The following RIMBP2 variants were observed in gnomAD, a reference collection of about 807,000 sequenced individuals.
The protein encoded by RIMBP2 is RIMS-binding protein 2.
RIMBP2 carries 48 observed loss-of-function variants against 118.6 expected under a neutral mutation model. The observed-to-expected ratio is 0.40, with a 90% CI of 0.32 to 0.51. The LOEUF (loss-of-function observed/expected upper bound fraction) is 0.51. Ranked by LOEUF, RIMBP2 falls within the 20% of genes least tolerant of loss-of-function variation. The probability of loss-of-function intolerance (pLI) is 0.41; values close to 1 mark genes in which losing one functional copy is unlikely to be tolerated. For missense variants in RIMBP2, 1,551 were observed against 1,768.3 expected, an observed-to-expected ratio of 0.88 and a Z score of 2.20; for synonymous variants, 762 against 742.9, an observed-to-expected ratio of 1.03 and a Z score of -0.42.
At chr12:130,637,646 C>T (rs1174998358) in intron 1 of RIMBP2, among the ~76,000 whole-genome samples, 1 of 152,208 alleles carries the variant, frequency 6.6e-6, no homozygotes, top group African/African-American at 2.4e-5. Context: ...CTGCCGGGAG[C>T]AAAGGGATTT....
chr12:130,441,034 G>A (rs1490699988), intron 11 of RIMBP2, among the ~76,000 whole-genome samples: 21 of 152,126 alleles, frequency 1.4e-4, no homozygotes, highest in Non-Finnish European at 2.6e-4. Flanking sequence ...CTGTTTGAGC[G>A]GAGATAGCAG....
At chr12:130,480,366 C>A (rs188928595) in intron 4 of RIMBP2, among the ~76,000 whole-genome samples, 1,921 of 152,206 alleles carry the variant, frequency 0.013, 49 homozygotes, top group African/African-American at 0.043. Context: ...GGGAGCTGCC[C>A]CTTCCGATGG....
Position 130,595,285 on chromosome 12 carries a change from G to A in RIMBP2, c.-217+33037C>T, listed in dbSNP as rs142355890. Among the ~76,000 whole-genome samples the A allele has an allele frequency of 9.1e-3, 1,383 of 152,244 alleles. 10 individuals are homozygous for A. The highest frequency in any genetic ancestry group is 0.01 in the Non-Finnish European group (702 of 68,026). On this transcript the variant is annotated intron_variant, in intron 2 of 22. Coordinates refer to ENST00000690449, the MANE Select transcript of RIMBP2 (RefSeq NM_001393629.1). ...TATTAAAACTTCATCTTGGCCGGGC[G>A]CGGTGGCTCACGCCTGTAATCCCAG...
intron 2 of RIMBP2, among the ~76,000 whole-genome samples, chr12:130,624,140 A>T (rs1328507123): frequency 6.6e-6 from 1 of 152,228 alleles, no homozygotes; most frequent in African/African-American, 2.4e-5. Flanking sequence ...CAATGTACTC[A>T]TAGGAAATAA....
chr12:130,401,391 C>T (rs2074551176), intron 21 of RIMBP2, among the ~76,000 whole-genome samples: 1 of 152,140 alleles, frequency 6.6e-6, no homozygotes, highest in Admixed American at 6.5e-5. Flanking sequence ...GCTGGGATTA[C>T]AGGCTGAGGC....
chr12:130,569,370 CCTT>C (rs1390110505), intron 2 of RIMBP2, among the ~76,000 whole-genome samples: 4 of 152,218 alleles, frequency 2.6e-5, no homozygotes, highest in African/African-American at 7.2e-5. Context: ...ATCCCAGGCT[CCTT>C]CTTCTCACGC....
rs1454831607 is a variant in RIMBP2 at position 130,436,860 on chromosome 12, C to T, written c.2088G>A (p.Arg696=). ...AKAMAREAAQ[R]VAESSRLEKR... The stretch of plus-strand genomic sequence containing the variant: ...GCCTTACCCTGCTGCTCTCGGCCAC[C>T]CTCTGCGCGGCCTCCCGGGCCATGG... The change falls in exon 13 of 23, where the codon AGG becomes AGA. Residue 696 remains arginine, a synonymous_variant. Transcript: ENST00000690449. 9 of 1,502,622 alleles carry T rather than the reference C, an allele frequency of 6.0e-6. No homozygotes were observed. Among genetic ancestry groups the T allele is most frequent in the Non-Finnish European group, 8.0e-6 (9 of 1,127,558 alleles). The allele number at this position is 1,502,622 out of a possible 1,614,324, so 93.1% of individuals were successfully genotyped here.
intron 1 of RIMBP2, among the ~76,000 whole-genome samples, chr12:130,664,403 G>GCACGCACACA (rs1566438875): frequency 1.6e-5 from 1 of 61,694 alleles, no homozygotes; most frequent in Non-Finnish European, 4.4e-5. Flanking sequence ...ACACACGCAC[G>GCACGCACACA]CACGCACGCA....
rs1044335865 is a variant in RIMBP2, at chr12:130,520,731, C to A, written c.-216-2814G>T. 2.0e-5 allele frequency among the ~76,000 whole-genome samples: 3 copies of A among 151,530 alleles called. No individual in the cohort carries two copies. The East Asian group carries it at 5.8e-4, about 29-fold the overall frequency. ...GGAGATCTACTTGAAACTAACGACC[C>A]CCTACCTCACACTTCAAGAATCACA... On this transcript the variant is annotated intron_variant, in intron 2 of 22. Transcript: ENST00000690449.
At chr12:130,503,321 G>A (rs751527434) in intron 4 of RIMBP2, among the ~76,000 whole-genome samples, 1 of 151,660 alleles carries the variant, frequency 6.6e-6, no homozygotes, top group Non-Finnish European at 1.5e-5. Flanking sequence ...TCTTGAACCC[G>A]GGAAGTGGAG....
intron 2 of RIMBP2, among the ~76,000 whole-genome samples, chr12:130,595,924 CACAG>C (rs1214406369): frequency 2.0e-5 from 3 of 152,240 alleles, no homozygotes; most frequent in South Asian, 2.1e-4. Context: ...CATTTTCCAA[CACAG>C]ACAGAAATCT....
intron 2 of RIMBP2, among the ~76,000 whole-genome samples, chr12:130,550,222 A>G (rs1458418838): frequency 6.6e-6 from 1 of 152,206 alleles, no homozygotes; most frequent in South Asian, 2.1e-4. Context: ...TGGCTTTTGT[A>G]TGCTGCTCAT....
chr12:130,682,794 C>T (rs374901382), intron 1 of RIMBP2, among the ~76,000 whole-genome samples: 5 of 152,166 alleles, frequency 3.3e-5, no homozygotes, highest in African/African-American at 9.7e-5. Context: ...TTGATGAAGA[C>T]GAGACTCATT....
At position 130,424,413 on chromosome 12, in the gene RIMBP2, C is replaced by A. The variant is rs1371292723; in HGVS notation, c.2858G>T (p.Gly953Val). The A allele has an allele frequency of 1.6e-6, 2 of 1,232,850 alleles. No homozygotes were observed. The highest frequency in any genetic ancestry group is 4.1e-5 in the South Asian group (1 of 24,342). The allele number at this position is 1,232,850 out of a possible 1,614,324, so 76.4% of individuals were successfully genotyped here. ...CCGCCGGGCCAGCAGCGGCCTCGGG[C>A]CCCTCCTGCAGGGACAGTGACCAGG... The part of the protein sequence containing the change: ...PGPGHCPCRR[G>V]PRPLLARRRT... The change falls in exon 16 of 23, where the codon GGC becomes GTC. Residue 953 changes from glycine (G) to valine (V), a missense_variant. Transcript: ENST00000690449. This position sits in a 1 kb window ranked among gnomAD's most constrained non-coding sequence, Gnocchi z 9.8.
At chr12:130,405,417 C>T (rs1039815004) in intron 21 of RIMBP2, among the ~76,000 whole-genome samples, 6 of 152,220 alleles carry the variant, frequency 3.9e-5, no homozygotes, top group Admixed American at 3.3e-4. Flanking sequence ...CTGATAAAGG[C>T]GGTGGGGGAG....
At chr12:130,404,487 A>G (rs2074973767) in intron 21 of RIMBP2, among the ~76,000 whole-genome samples, 1 of 152,036 alleles carries the variant, frequency 6.6e-6, no homozygotes, top group African/African-American at 2.4e-5. Context: ...TTCAGTAGAA[A>G]CGGGGTTTCA....
chr12:130,711,328 G>A (rs1949903280), intron 1 of RIMBP2, among the ~76,000 whole-genome samples: 1 of 152,176 alleles, frequency 6.6e-6, no homozygotes, highest in Non-Finnish European at 1.5e-5. Context: ...CTTGTCCAGG[G>A]AAAAATTAAG....
At chr12:130,572,064 CCA>C in intron 2 of RIMBP2, among the ~76,000 whole-genome samples, 1 of 152,236 alleles carries the variant, frequency 6.6e-6, no homozygotes, top group African/African-American at 2.4e-5. Flanking sequence ...TGTTTGTCTC[CCA>C]GCTAGCAGGT....
intron 3 of RIMBP2, among the ~76,000 whole-genome samples, chr12:130,515,896 C>T (rs2051403818): frequency 6.6e-6 from 1 of 152,062 alleles, no homozygotes; most frequent in Non-Finnish European, 1.5e-5. Flanking sequence ...TGGGGTTTTG[C>T]CATGTTAGCC....
Sources: allele counts gnomAD v4.1 joint callset (sites outside exome capture counted in the v4.1 genomes callset), GRCh38; gene constraint gnomAD v4.1.1; non-coding constraint Gnocchi (gnomAD v3.1); transcripts MANE v1.5; gene names NCBI Gene and HGNC (gene_info 2026-07-23, HGNC 2026-07-21).